THADA: variants seen among roughly 807,000 people sequenced by gnomAD.
THADA encodes tRNA (32-2'-O)-methyltransferase regulator THADA.
A neutral mutation model predicts 219.8 loss-of-function variants in THADA; 213 were observed. That is an observed-to-expected ratio of 0.97 (90% CI 0.87 to 1.09). The LOEUF (loss-of-function observed/expected upper bound fraction) is 1.09. Ranked by LOEUF, THADA falls within the 50% of genes least tolerant of loss-of-function variation. The pLI is 0.00. For missense variants in THADA, 2,956 were observed against 2,311.3 expected (o/e 1.28, Z -5.72); for synonymous variants, 1,018 against 828.9 (o/e 1.23, Z -3.92).
chr2:43,242,048 G>A (rs1303832823), intron 36 of THADA, among the ~76,000 whole-genome samples: 1 of 152,162 alleles, frequency 6.6e-6, no homozygotes, highest in Non-Finnish European at 1.5e-5. Flanking sequence ...TTAGCCTGCC[G>A]GCCTGTCCCT....
At chr2:43,288,043 C>G (rs1674251732) in intron 34 of THADA, among the ~76,000 whole-genome samples, 1 of 152,204 alleles carries the variant, frequency 6.6e-6, no homozygotes, top group African/African-American at 2.4e-5. Flanking sequence ...CCTGGTGACT[C>G]AACACTGTCA....
chr2:43,352,451 G>C (rs1458222647), intron 29 of THADA, among the ~76,000 whole-genome samples: 2 of 152,062 alleles, frequency 1.3e-5, no homozygotes, highest in Non-Finnish European at 2.9e-5. Flanking sequence ...TCAGCTACTT[G>C]GGAGACTGAG....
chr2:43,357,213 T>G (rs1185710832), intron 29 of THADA, among the ~76,000 whole-genome samples: 1 of 152,192 alleles, frequency 6.6e-6, no homozygotes, highest in African/African-American at 2.4e-5. Flanking sequence ...CATTAGTGTT[T>G]GATGAAGTGT....
At chr2:43,389,733 T>A (rs1163422035) in intron 29 of THADA, among the ~76,000 whole-genome samples, 1 of 152,128 alleles carries the variant, frequency 6.6e-6, no homozygotes, top group Non-Finnish European at 1.5e-5. Context: ...TCATACCATG[T>A]CCCTTGCCTC....
At position 43,298,017 on chromosome 2, in the gene THADA, C is replaced by T. The variant is rs181663397; in HGVS notation, c.4439-4804G>A. Among the ~76,000 whole-genome samples, 360 of 111,292 alleles carry T rather than the reference C, an allele frequency of 3.2e-3. 51 individuals are homozygous for T. Among genetic ancestry groups the T allele is most frequent in the East Asian group, 0.025 (112 of 4,536 alleles). 73.0% of individuals were successfully genotyped at this position (111,292 alleles called of 152,430 possible). A position where few individuals can be genotyped will look rare whatever the true frequency, so the allele number is the denominator to read the frequency against. On this transcript the variant is annotated intron_variant, in intron 31 of 37. Transcript: ENST00000405975. ...GGGAGTGTGGGGGGGGTCAGCCCCC[C>T]GGCCCGGCCAGCCGCCCCGGCCGCC...
At chr2:43,262,957 A>G (rs113248927) in intron 36 of THADA, among the ~76,000 whole-genome samples, 2 of 152,180 alleles carry the variant, frequency 1.3e-5, no homozygotes, top group Admixed American at 6.5e-5. Context: ...GTAATGTGCA[A>G]TCATCTCCCA....
chr2:43,250,905 C>A (rs1298711848), intron 36 of THADA, among the ~76,000 whole-genome samples: 1 of 152,036 alleles, frequency 6.6e-6, no homozygotes, highest in African/African-American at 2.4e-5. Flanking sequence ...GAGTATTTCT[C>A]CCCAGGATGC....
At chr2:43,456,987 T>A (rs1001566356) in intron 26 of THADA, among the ~76,000 whole-genome samples, 4 of 152,202 alleles carry the variant, frequency 2.6e-5, no homozygotes, top group African/African-American at 9.6e-5. Context: ...GCATTCTGAA[T>A]ACATTAACAC....
At chr2:43,544,098 T>G (rs6544670) in intron 20 of THADA, among the ~76,000 whole-genome samples, 2 of 152,062 alleles carry the variant, frequency 1.3e-5, no homozygotes, top group East Asian at 3.9e-4. Flanking sequence ...ATGGCTAGCC[T>G]GTTTTCCCAG....
At chr2:43,359,587 G>A (rs1261540528) in intron 29 of THADA, among the ~76,000 whole-genome samples, 2 of 152,230 alleles carry the variant, frequency 1.3e-5, no homozygotes, top group South Asian at 2.1e-4. Context: ...GGCTGAGGCA[G>A]AAGAATTGCT....
chr2:43,331,918 T>TACACACACACACACACACAC (rs141276481), intron 30 of THADA, among the ~76,000 whole-genome samples: 8,477 of 142,620 alleles, frequency 0.059, 312 homozygotes, highest in African/African-American at 0.085. Flanking sequence ...ATATATCTAA[T>TACACACACACACACACACAC]ACACACACAC....
chr2:43,274,328 G>A (rs1242815539), intron 36 of THADA, among the ~76,000 whole-genome samples: 3 of 152,210 alleles, frequency 2.0e-5, no homozygotes, highest in African/African-American at 7.2e-5. Flanking sequence ...GCTGTCCCTT[G>A]AGCTGGTTCC....
At chr2:43,404,180 G>T (rs1393514152) in intron 28 of THADA, among the ~76,000 whole-genome samples, 1 of 151,798 alleles carries the variant, frequency 6.6e-6, no homozygotes, top group Non-Finnish European at 1.5e-5. Context: ...TTCATCTTCT[G>T]AACTATGCTA....
At chr2:43,466,793 G>A (rs940673579) in intron 26 of THADA, among the ~76,000 whole-genome samples, 1 of 152,128 alleles carries the variant, frequency 6.6e-6, no homozygotes, top group African/African-American at 2.4e-5. Flanking sequence ...GCATAAATAT[G>A]TTTCATTATT....
intron 26 of THADA, among the ~76,000 whole-genome samples, chr2:43,455,185 T>C (rs1051007335): frequency 5.3e-5 from 8 of 152,208 alleles, no homozygotes; most frequent in African/African-American, 1.9e-4. Context: ...TCTCTGGCAG[T>C]GTCCTTTTAC....
chr2:43,523,671 G>T (rs1692783997), intron 22 of THADA, among the ~76,000 whole-genome samples: 1 of 152,126 alleles, frequency 6.6e-6, no homozygotes, highest in Non-Finnish European at 1.5e-5. Flanking sequence ...TGATGTCTAT[G>T]AGTCAGTACT....
At position 43,577,252 on chromosome 2, in the gene THADA, T is replaced by C. The variant is rs1559009776; in HGVS notation, c.817-10A>G. 2 of 1,566,996 alleles carry C rather than the reference T, an allele frequency of 1.3e-6. No homozygotes were observed. The highest frequency in any genetic ancestry group is 4.7e-5 in the East Asian group (2 of 42,634). ...GCAGCACACTGCTAATCTGGAAAAATATAGCAGAGCTAACACACATAAAGC... is the reference window on the plus strand; with the variant it reads ...GCAGCACACTGCTAATCTGGAAAAACATAGCAGAGCTAACACACATAAAGC... On this transcript the variant is annotated splice_polypyrimidine_tract_variant and intron_variant, in intron 9 of 37. Transcript: ENST00000405975.
chr2:43,480,771 T>C (rs552146473), intron 26 of THADA, among the ~76,000 whole-genome samples: 1 of 148,552 alleles, frequency 6.7e-6, no homozygotes, highest in African/African-American at 2.5e-5. Context: ...TGAGTTGAGA[T>C]CCTGCCATTC....
chr2:43,542,361 T>G (rs2103821639), intron 20 of THADA, among the ~76,000 whole-genome samples: 1 of 152,334 alleles, frequency 6.6e-6, no homozygotes, highest in East Asian at 1.9e-4. Context: ...CATATGTACC[T>G]CTGTTGTTTG....
Sources: allele counts gnomAD v4.1 joint callset (sites outside exome capture counted in the v4.1 genomes callset), GRCh38; gene constraint gnomAD v4.1.1; transcripts MANE v1.5; gene names NCBI Gene and HGNC (gene_info 2026-07-23, HGNC 2026-07-21).